Variants in SAMD3 observed in about 807,000 individuals in gnomAD.
SAMD3 encodes sterile alpha motif domain-containing protein 3.
Under a neutral mutation model 58.5 loss-of-function variants are expected in SAMD3, and 63 were observed. The observed-to-expected ratio is 1.08, with a 90% CI of 0.88 to 1.33. The LOEUF (loss-of-function observed/expected upper bound fraction) is 1.33. SAMD3 is among the 40% of genes most tolerant of loss of function. SAMD3 has a pLI of 0.00. For synonymous variants in SAMD3, 220 were observed against 210.3 expected, an observed-to-expected ratio of 1.05 and a Z score of -0.40; for missense variants, 604 against 608.4, an observed-to-expected ratio of 0.99 and a Z score of 0.08.
chr6:130,316,660 C>T (rs1360617350), intron 1 of SAMD3, among the ~76,000 whole-genome samples: 1 of 152,052 alleles, frequency 6.6e-6, no homozygotes, highest in East Asian at 1.9e-4. Context: ...AAGGTGAATG[C>T]ATTGGGGTCA....
chr6:130,241,907 T>C (rs527900072), intron 2 of SAMD3, among the ~76,000 whole-genome samples: 2 of 152,336 alleles, frequency 1.3e-5, no homozygotes, highest in Non-Finnish European at 2.9e-5. Flanking sequence ...CTATTCTACA[T>C]TTTCAGTAAT....
At chr6:130,283,074 CA>C (rs34461752) in intron 2 of SAMD3, among the ~76,000 whole-genome samples, 1 of 151,690 alleles carries the variant, frequency 6.6e-6, no homozygotes, top group African/African-American at 2.4e-5. Context: ...AAAGGCACTA[CA>C]AAAAACGGCA....
At position 130,155,001 on chromosome 6, in the gene SAMD3, C is replaced by T. The variant is rs1789650964; in HGVS notation, c.847G>A (p.Glu283Lys). 2 of 1,613,132 alleles carry T rather than the reference C, an allele frequency of 1.2e-6. No individual in the cohort carries two copies. The highest frequency in any genetic ancestry group is 4.5e-5 in the East Asian group (2 of 44,740). The change falls in exon 9 of 12, where the codon GAG becomes AAG. Residue 283 changes from glutamate (E) to lysine (K), a missense_variant. Transcript: ENST00000439090. ...AACCACTTAATATGTTCATCTAGCT[C>T]AGAATCAAAACAAACAGCTTCTTCC... is the stretch of plus-strand genomic sequence containing the variant. ...IKEEAVCFDSELDEHIKWFQQ... is the reference protein window; with the variant it reads ...IKEEAVCFDSKLDEHIKWFQQ...
intron 2 of SAMD3, among the ~76,000 whole-genome samples, chr6:130,278,342 A>G (rs1169595852): frequency 2.0e-5 from 3 of 152,214 alleles, no homozygotes; most frequent in African/African-American, 7.2e-5. Context: ...GATTTGAGTA[A>G]TAATAAAACT....
chr6:130,223,365 C>T (rs1013524469), upstream of SAMD3, among the ~76,000 whole-genome samples: 16 of 152,124 alleles, frequency 1.1e-4, no homozygotes, highest in Non-Finnish European at 2.1e-4. Flanking sequence ...ATGTAATTCT[C>T]GTTACATAGC....
intron 2 of SAMD3, among the ~76,000 whole-genome samples, chr6:130,275,476 T>C (rs1774741879): frequency 6.6e-6 from 1 of 152,168 alleles, no homozygotes; most frequent in South Asian, 2.1e-4. Flanking sequence ...TGAATTACAC[T>C]GAACTTTGGA....
At chr6:130,157,301 T>C (rs976079724) in intron 8 of SAMD3, among the ~76,000 whole-genome samples, 3 of 151,488 alleles carry the variant, frequency 2.0e-5, no homozygotes, top group Non-Finnish European at 4.4e-5. Flanking sequence ...AGAGAAATTT[T>C]CAAAACCTAT....
At chr6:130,311,595 C>A (rs981821465) in intron 2 of SAMD3, among the ~76,000 whole-genome samples, 4 of 152,224 alleles carry the variant, frequency 2.6e-5, no homozygotes, top group African/African-American at 9.6e-5. Flanking sequence ...CTACTGCTTT[C>A]TTTTAGGCCC....
At chr6:130,331,648 G>C (rs1203087955) in intron 1 of SAMD3, among the ~76,000 whole-genome samples, 1 of 152,190 alleles carries the variant, frequency 6.6e-6, no homozygotes, top group Non-Finnish European at 1.5e-5. Context: ...GAACCCGGGA[G>C]GCCGAGGTTG....
chr6:130,341,840 G>A (rs1233404778), intron 1 of SAMD3, among the ~76,000 whole-genome samples: 5 of 152,184 alleles, frequency 3.3e-5, no homozygotes, highest in African/African-American at 1.2e-4. Flanking sequence ...GTGTTAAAAT[G>A]TACCATCATG....
downstream of SAMD3, chr6:130,144,203 C>T (rs1376139371): frequency 3.3e-6 from 1 of 302,264 alleles, no homozygotes; most frequent in Non-Finnish European, 6.1e-6. Context: ...AGTCCAAGGC[C>T]ATTCTCTAAC....
rs1442611730 is a variant in SAMD3 at position 130,196,313 on chromosome 6, C to T, written c.384-11690G>A. On this transcript the variant is annotated intron_variant, in intron 5 of 11. Coordinates refer to ENST00000439090, the MANE Select transcript of SAMD3 (RefSeq NM_001017373.4). Reference sequence around the variant, plus strand: ...TTCATATACTTTCTGCTCCCCAGCTCCTTCAGCTGTACTCACTCTTTGTTA... The same window carrying T: ...TTCATATACTTTCTGCTCCCCAGCTTCTTCAGCTGTACTCACTCTTTGTTA... 2.0e-5 allele frequency among the ~76,000 whole-genome samples: 3 copies of T among 152,216 alleles called. No individual in the cohort carries two copies. In the South Asian group the frequency reaches 6.2e-4, roughly 31 times the overall value.
chr6:130,288,609 C>A (rs1368149945), intron 2 of SAMD3, among the ~76,000 whole-genome samples: 1 of 152,150 alleles, frequency 6.6e-6, no homozygotes, highest in Admixed American at 6.5e-5. Context: ...AGGAGGGTCA[C>A]CTCCACCAAT....
At chr6:130,306,137 T>A (rs1449206801) in intron 2 of SAMD3, among the ~76,000 whole-genome samples, 1 of 152,168 alleles carries the variant, frequency 6.6e-6, no homozygotes, top group African/African-American at 2.4e-5. Flanking sequence ...AACGTATGAA[T>A]TGGGTAGGGA....
chr6:130,346,882 C>T (rs1312775255), intron 1 of SAMD3, among the ~76,000 whole-genome samples: 2 of 152,206 alleles, frequency 1.3e-5, no homozygotes, highest in African/African-American at 2.4e-5. Flanking sequence ...TGAGACAAAA[C>T]TTCCAGAGGA....
intron 2 of SAMD3, among the ~76,000 whole-genome samples, chr6:130,264,999 G>T (rs1421660064): frequency 6.6e-6 from 1 of 152,164 alleles, no homozygotes; most frequent in African/African-American, 2.4e-5. Context: ...GGCCTTGTTA[G>T]CACAAGAAGC....
intron 8 of SAMD3, among the ~76,000 whole-genome samples, chr6:130,164,572 C>G (rs1366057336): frequency 6.6e-6 from 1 of 152,088 alleles, no homozygotes; most frequent in African/African-American, 2.4e-5. Context: ...TTCGGAGTCC[C>G]TGGTATTACC....
chr6:130,185,431 T>C (rs1792843410), intron 5 of SAMD3, among the ~76,000 whole-genome samples: 2 of 151,886 alleles, frequency 1.3e-5, no homozygotes, highest in African/African-American at 2.4e-5. Context: ...TGGGTTCAAG[T>C]GACTCCCCTG....
intron 5 of SAMD3, among the ~76,000 whole-genome samples, chr6:130,197,058 A>G (rs1038577824): frequency 6.6e-6 from 1 of 152,186 alleles, no homozygotes; most frequent in African/African-American, 2.4e-5. Context: ...TCTTTTAAAA[A>G]CACACCTCAC....
Sources: gnomAD v4.1 joint callset for allele counts (sites outside exome capture counted in the v4.1 genomes callset) on GRCh38, gnomAD v4.1.1 for gene constraint, MANE v1.5 for transcripts, NCBI Gene and HGNC (gene_info 2026-07-23, HGNC 2026-07-21) for gene names.